LRP1B: variants seen among roughly 807,000 people sequenced by gnomAD.
LRP1B encodes the protein low-density lipoprotein receptor-related protein 1B.
A neutral mutation model predicts 556.6 loss-of-function variants in LRP1B; 217 were observed. The observed-to-expected ratio is 0.39, with a 90% CI of 0.35 to 0.44. The LOEUF (loss-of-function observed/expected upper bound fraction) is 0.44. Among genes scored for constraint, LRP1B ranks in the 20% least tolerant of loss-of-function variants. The pLI is 1.00. For missense variants in LRP1B, 5,053 were observed against 5,620.8 expected, an observed-to-expected ratio of 0.90 and a Z score of 3.23; for synonymous variants, 2,047 against 1,865.8, an observed-to-expected ratio of 1.10 and a Z score of -2.50.
intron 41 of LRP1B, among the ~76,000 whole-genome samples, chr2:140,649,631 A>G (rs1354430316): frequency 6.6e-6 from 1 of 152,210 alleles, no homozygotes; most frequent in East Asian, 1.9e-4. Flanking sequence ...CCTCTTTGTT[A>G]TATGATAATG....
chr2:140,653,517 G>T (rs906827905), intron 41 of LRP1B, among the ~76,000 whole-genome samples: 2 of 151,742 alleles, frequency 1.3e-5, no homozygotes, highest in Non-Finnish European at 2.9e-5. Flanking sequence ...TAATAACAAC[G>T]TAAAGAATGA....
chr2:140,934,095 A>T (rs1291846376), intron 20 of LRP1B, among the ~76,000 whole-genome samples: 2 of 152,260 alleles, frequency 1.3e-5, no homozygotes, highest in Admixed American at 6.5e-5. Flanking sequence ...TTTGTATTTC[A>T]TTGAAAATAG....
rs1553520870 is a variant in LRP1B, at chr2:141,490,392, T to TGTGTGTGCGC, written c.206-9860_206-9859insGCGCACACAC. Among the ~76,000 whole-genome samples, 598 of 151,910 alleles carry TGTGTGTGCGC rather than the reference T, an allele frequency of 3.9e-3. 4 individuals carry two copies. The highest frequency in any genetic ancestry group is 0.014 in the African/African-American group (559 of 41,400). On this transcript the variant is annotated intron_variant, in intron 2 of 90. Coordinates refer to ENST00000389484, the MANE Select transcript of LRP1B (RefSeq NM_018557.3). ...CCTCGTGTGTGTGTGTGTGTGTGTG[T>TGTGTGTGCGC]GTGTGTGTTTTCTGCTAACTTTAGA...
intron 2 of LRP1B, among the ~76,000 whole-genome samples, chr2:141,511,776 G>A (rs62167900): frequency 0.056 from 8,519 of 152,230 alleles, 280 homozygotes; most frequent in Non-Finnish European, 0.066. Flanking sequence ...CTTTCTTTCA[G>A]TCAAAAGAAT....
intron 27 of LRP1B, among the ~76,000 whole-genome samples, chr2:140,854,773 C>A (rs1692563942): frequency 6.6e-6 from 1 of 152,082 alleles, no homozygotes; most frequent in Non-Finnish European, 1.5e-5. Context: ...AACCACATGG[C>A]CCACAAAGCC....
At chr2:142,041,888 C>T (rs1180559919) in intron 1 of LRP1B, among the ~76,000 whole-genome samples, 1 of 151,468 alleles carries the variant, frequency 6.6e-6, no homozygotes, top group Non-Finnish European at 1.5e-5. Context: ...AAGCTTATTA[C>T]ACATGTCTTA....
At chr2:141,678,638 A>C (rs1574231991) in intron 2 of LRP1B, among the ~76,000 whole-genome samples, 2 of 152,180 alleles carry the variant, frequency 1.3e-5, no homozygotes, top group East Asian at 3.9e-4. Context: ...ACTAACAAAA[A>C]TTAGTATTCA....
chr2:141,746,785 C>A (rs1211170493), intron 2 of LRP1B, among the ~76,000 whole-genome samples: 3 of 151,950 alleles, frequency 2.0e-5, no homozygotes, highest in African/African-American at 4.8e-5. Flanking sequence ...CTTAAAAGCC[C>A]AAAATAAGAT....
intron 7 of LRP1B, among the ~76,000 whole-genome samples, chr2:141,081,894 G>C (rs1235499875): frequency 6.6e-6 from 1 of 152,094 alleles, no homozygotes; most frequent in Non-Finnish European, 1.5e-5. Context: ...CCTATAAACT[G>C]AATCTGTGGA....
intron 1 of LRP1B, among the ~76,000 whole-genome samples, chr2:141,824,559 G>T (rs952737660): frequency 2.6e-5 from 4 of 152,200 alleles, no homozygotes; most frequent in African/African-American, 7.2e-5. Flanking sequence ...TAGAGACGGG[G>T]TTTCACCGTG....
chr2:140,941,537 TA>T (rs1209165269), intron 20 of LRP1B, among the ~76,000 whole-genome samples: 1 of 152,138 alleles, frequency 6.6e-6, no homozygotes, highest in Non-Finnish European at 1.5e-5. Flanking sequence ...AGCACCTATG[TA>T]AAAGCCTACC....
At chr2:141,613,438 C>T (rs999308061) in intron 2 of LRP1B, among the ~76,000 whole-genome samples, 4 of 152,194 alleles carry the variant, frequency 2.6e-5, no homozygotes. Flanking sequence ...CATGAACTTT[C>T]ACATTTTTAT....
intron 7 of LRP1B, among the ~76,000 whole-genome samples, chr2:141,103,843 G>C (rs1700531624): frequency 6.6e-6 from 1 of 151,550 alleles, no homozygotes; most frequent in African/African-American, 2.4e-5. Flanking sequence ...GGTTTCTGGT[G>C]GTTTTGGTTT....
intron 77 of LRP1B, among the ~76,000 whole-genome samples, chr2:140,350,135 G>A (rs1461630753): frequency 6.6e-6 from 1 of 151,926 alleles, no homozygotes; most frequent in African/African-American, 2.4e-5. Flanking sequence ...TTCCTTCCAG[G>A]TTACTTAAAA....
chr2:140,949,510 T>C (rs573075101), intron 20 of LRP1B, among the ~76,000 whole-genome samples: 1 of 152,328 alleles, frequency 6.6e-6, no homozygotes, highest in East Asian at 1.9e-4. Context: ...AAATACATCC[T>C]CATTTAATCA....
rs544122154 is a variant in LRP1B at position 141,129,226 on chromosome 2, C to G, written c.1013+59195G>C. Among the ~76,000 whole-genome samples the G allele has an allele frequency of 2.0e-5, 3 of 152,106 alleles. No individual in the cohort carries two copies. In the East Asian group the frequency reaches 5.8e-4, roughly 29 times the overall value. The stretch of plus-strand genomic sequence containing the variant: ...AATAATTTCTGAACAAATGGAGAAA[C>G]AATCATGGAAAAGACGACTTAATAT... On this transcript the variant is annotated intron_variant, in intron 7 of 90. Coordinates refer to ENST00000389484, the MANE Select transcript of LRP1B (RefSeq NM_018557.3).
At position 140,492,687 on chromosome 2, in the gene LRP1B, T is replaced by C; in HGVS notation, c.9041A>G (p.Glu3014Gly). Reference sequence around the variant, plus strand: ...ATGATCAGCAAGAATTAAAAAAGGTTCTTCATCTAAACACCAACACAAATA... The same window carrying C: ...ATGATCAGCAAGAATTAAAAAAGGTCCTTCATCTAAACACCAACACAAATA... Reference protein sequence around the residue: ...PNGCKSLSDEEPFLILADHHE... With the variant: ...PNGCKSLSDEGPFLILADHHE... Residue 3014 changes from glutamate to glycine, a missense_variant, in exon 57 of 91, where the codon GAA becomes GGA. By Grantham distance (98) the Glu-to-Gly change is moderately conservative. Transcript: ENST00000389484. The C allele has an allele frequency of 6.2e-7, 1 of 1,608,488 alleles. No homozygotes were observed. The highest frequency in any genetic ancestry group is 8.5e-7 in the Non-Finnish European group (1 of 1,175,006).
chr2:142,108,211 A>G (rs1706825974), intron 1 of LRP1B, among the ~76,000 whole-genome samples: 1 of 151,922 alleles, frequency 6.6e-6, no homozygotes, highest in Non-Finnish European at 1.5e-5. Flanking sequence ...CTCTCCATAA[A>G]TAATAAAGCA....
intron 1 of LRP1B, among the ~76,000 whole-genome samples, chr2:141,881,801 T>C (rs558805638): frequency 6.6e-6 from 1 of 152,160 alleles, no homozygotes; most frequent in African/African-American, 2.4e-5. Flanking sequence ...TATCGAAGAG[T>C]CAAATCACCT....
Sources: allele counts gnomAD v4.1 joint callset (sites outside exome capture counted in the v4.1 genomes callset), GRCh38; gene constraint gnomAD v4.1.1; transcripts MANE v1.5; gene names NCBI Gene and HGNC (gene_info 2026-07-23, HGNC 2026-07-21).